Variants in ARHGEF28 observed in about 807,000 individuals in gnomAD.
The protein encoded by ARHGEF28 is Rho guanine nucleotide exchange factor 28.
Under a neutral mutation model 206.6 loss-of-function variants are expected in ARHGEF28, and 152 were observed. That is an observed-to-expected ratio of 0.74 (90% confidence interval 0.64 to 0.84). The LOEUF (loss-of-function observed/expected upper bound fraction) is 0.84, where lower values mean the gene tolerates loss of function less well. Among genes scored for constraint, ARHGEF28 ranks in the 40% least tolerant of loss-of-function variants. The pLI, the probability that ARHGEF28 is intolerant of heterozygous loss-of-function variation, is 0.00. For synonymous variants in ARHGEF28, 763 were observed against 776.4 expected, an observed-to-expected ratio of 0.98 and a Z score of 0.29; for missense variants, 2,028 against 2,073.2, an observed-to-expected ratio of 0.98 and a Z score of 0.42.
intron 11 of ARHGEF28, among the ~76,000 whole-genome samples, chr5:73,845,705 G>A (rs1758293070): frequency 6.6e-6 from 1 of 152,072 alleles, no homozygotes; most frequent in Non-Finnish European, 1.5e-5. Flanking sequence ...CATTTGAAAT[G>A]TCTTTTGCCC....
intron 35 of ARHGEF28, among the ~76,000 whole-genome samples, chr5:73,932,032 G>C (rs1378974612): frequency 6.6e-6 from 1 of 152,098 alleles, no homozygotes; most frequent in Non-Finnish European, 1.5e-5. Flanking sequence ...TGAAGCTTTT[G>C]GTGTTAAAAT....
intron 12 of ARHGEF28, 145 bp downstream of exon 12, chr5:73,846,620 C>G (rs985373439): frequency 2.2e-5 from 16 of 731,980 alleles, no homozygotes; most frequent in Middle Eastern, 4.0e-4. Context: ...CTGATTGAGT[C>G]TGTCTTTTTA....
intron 31 of ARHGEF28, chr5:73,901,950 A>T (rs568029134): frequency 2.0e-5 from 3 of 152,300 alleles, no homozygotes; most frequent in Admixed American, 6.5e-5. Flanking sequence ...GAAGGAATAA[A>T]ATATGATTCT....
At chr5:73,681,106 G>C (rs1171843804) in intron 1 of ARHGEF28, among the ~76,000 whole-genome samples, 1 of 86,278 alleles carries the variant, frequency 1.2e-5, no homozygotes, top group African/African-American at 4.8e-5. Context: ...TTTTTTTTTT[G>C]GCTATTAAGT....
rs199675326 is a variant in ARHGEF28, at chr5:73,840,520, T to C, written c.1187T>C (p.Ile396Thr). ...ATCAGCTATATTAATATAGAGGGAA[T>C]CACTGCCACTACCAGCCCTGAATCC... ...LDISYINIEG[I>T]TATTSPESRG... Residue 396 changes from isoleucine (I) to threonine (T), a missense_variant, in exon 11 of 36, where the codon ATC (isoleucine) becomes ACC (threonine). Ile to Thr is a moderately conservative substitution (Grantham distance 89). Transcript: ENST00000513042. The C allele has an allele frequency of 6.2e-7, 1 of 1,613,810 alleles. No individual in the cohort carries two copies. The highest frequency in any genetic ancestry group is 1.3e-5 in the African/African-American group (1 of 74,912).
At position 73,706,793 on chromosome 5, in the gene ARHGEF28, A is replaced by G. The variant is rs577999181; in HGVS notation, c.33+21909A>G. Among the ~76,000 whole-genome samples the G allele has an allele frequency of 5.3e-5, 8 of 152,228 alleles. No individual in the cohort carries two copies. The East Asian group carries it at 1.5e-3, about 29-fold the overall frequency. ...CAAGATGCTGCCAGCGGGGCAAACA[A>G]CTTCCTTGGTAGGTGCCCTCTCTCC... is the stretch of plus-strand genomic sequence containing the variant. On this transcript the variant is annotated intron_variant, in intron 2 of 35. Coordinates refer to ENST00000513042, the MANE Select transcript of ARHGEF28 (RefSeq NM_001177693.2).
At position 73,909,854 on chromosome 5, in the gene ARHGEF28, G is replaced by A. The variant is rs908783476; in HGVS notation, c.4604G>A (p.Arg1535Gln). ...QSLLGHWKHG[R>Q]QRSLPAVLLP... The stretch of plus-strand genomic sequence containing the variant: ...CTGCTGGGCCACTGGAAGCACGGCC[G>A]GCAGAGGAGCCTGCCCGCGGTGCTC... The change falls in exon 34 of 36, where the codon CGG (arginine) becomes CAG (glutamine). Residue 1535 changes from arginine to glutamine, a missense_variant. Transcript: ENST00000513042. The A allele has an allele frequency of 5.8e-6, 9 of 1,538,536 alleles. No homozygotes were observed. Among genetic ancestry groups the A allele is most frequent in the Non-Finnish European group, 7.8e-6 (9 of 1,155,304 alleles).
chr5:73,680,841 A>G (rs1318304440), intron 1 of ARHGEF28, among the ~76,000 whole-genome samples: 2 of 152,140 alleles, frequency 1.3e-5, no homozygotes, highest in East Asian at 1.9e-4. Context: ...ACAGTCTTCA[A>G]TAGTTTTACT....
In ARHGEF28 at chr5:73,911,457, A is replaced by C; in HGVS notation, c.4830A>C (p.Val1610=). The part of the protein sequence containing the change: ...SDLVRTSEHQ[V]DLKVDPSQPS... ...TGGTGAGGACTAGTGAACATCAAGT[A>C]GACCTCAAGGTGGACCCTTCTCAGC... Residue 1610 remains valine (V), a synonymous_variant, in exon 35 of 36, where the codon GTA becomes GTC. Transcript: ENST00000513042. 1 of 1,614,046 alleles carries C rather than the reference A, an allele frequency of 6.2e-7. No individual in the cohort carries two copies. Among genetic ancestry groups the C allele is most frequent in the Admixed American group, 1.7e-5 (1 of 60,024 alleles).
intron 2 of ARHGEF28, among the ~76,000 whole-genome samples, chr5:73,700,247 G>T (rs983314322): frequency 6.6e-6 from 1 of 152,122 alleles, no homozygotes; most frequent in South Asian, 2.1e-4. Context: ...ATGGGAACCC[G>T]TGTGTGTGTG....
chr5:73,914,253 A>G (rs1763077386), intron 35 of ARHGEF28, among the ~76,000 whole-genome samples: 2 of 152,130 alleles, frequency 1.3e-5, no homozygotes, highest in Non-Finnish European at 2.9e-5. Flanking sequence ...CTGTCCTTTG[A>G]GAGGGGCAGC....
intron 2 of ARHGEF28, among the ~76,000 whole-genome samples, chr5:73,726,386 G>A (rs1315223584): frequency 6.6e-6 from 1 of 152,138 alleles, no homozygotes; most frequent in Non-Finnish European, 1.5e-5. Context: ...AGCTGTAGCA[G>A]TTACAAAAAA....
intron 27 of ARHGEF28, 121 bp downstream of exon 27, chr5:73,892,351 T>C: frequency 9.3e-7 from 1 of 1,076,020 alleles, no homozygotes; most frequent in Middle Eastern, 2.2e-4. Context: ...CCCTGCCCCC[T>C]GCACCTGCCT....
intron 1 of ARHGEF28, among the ~76,000 whole-genome samples, chr5:73,638,058 G>A (rs182163526): frequency 5.3e-5 from 8 of 152,290 alleles, no homozygotes; most frequent in Admixed American, 3.3e-4. Flanking sequence ...TCTGTAATTG[G>A]AGTGATTATC....
intron 9 of ARHGEF28, among the ~76,000 whole-genome samples, chr5:73,827,703 T>C (rs1229488010): frequency 6.6e-6 from 1 of 152,220 alleles, no homozygotes; most frequent in East Asian, 1.9e-4. Flanking sequence ...TTTTCTAAAA[T>C]GGGAGTTGAG....
intron 1 of ARHGEF28, among the ~76,000 whole-genome samples, chr5:73,680,102 A>G (rs1325355634): frequency 6.6e-6 from 1 of 152,096 alleles, no homozygotes; most frequent in Non-Finnish European, 1.5e-5. Flanking sequence ...CAGTGGTTGT[A>G]CTTGAACAGT....
chr5:73,899,791 C>T (rs999197258), intron 30 of ARHGEF28: 1 of 152,242 alleles, frequency 6.6e-6, no homozygotes, highest in Non-Finnish European at 1.5e-5. Flanking sequence ...TGAGTATCTT[C>T]TACTTCTAGG....
At chr5:73,933,332 A>G (rs1764238763) in intron 35 of ARHGEF28, among the ~76,000 whole-genome samples, 1 of 152,210 alleles carries the variant, frequency 6.6e-6, no homozygotes. Context: ...TCTTCTTTTT[A>G]ATGGGTAGCT....
chr5:73,722,327 CCTCT>C (rs1175883011), intron 2 of ARHGEF28, among the ~76,000 whole-genome samples: 1 of 152,176 alleles, frequency 6.6e-6, no homozygotes, highest in African/African-American at 2.4e-5. Context: ...AGTATGATTT[CCTCT>C]CTCTAAAACT....
Sources: allele counts gnomAD v4.1 joint callset (sites outside exome capture counted in the v4.1 genomes callset), GRCh38; gene constraint gnomAD v4.1.1; transcripts MANE v1.5; gene names NCBI Gene and HGNC (gene_info 2026-07-23, HGNC 2026-07-21).